Variants in TJP1 observed in about 807,000 individuals in gnomAD.
The protein encoded by TJP1 is tight junction protein ZO-1.
In TJP1, 43 loss-of-function variants were observed where a neutral mutation model predicts 194.2. The ratio of observed to expected loss-of-function variants is 0.22; its 90% CI spans 0.17 to 0.29. The LOEUF (loss-of-function observed/expected upper bound fraction) is 0.29, where lower values mean the gene tolerates loss of function less well. Ranked by LOEUF, TJP1 falls within the 10% of genes least tolerant of loss-of-function variation. The pLI, the probability that TJP1 is intolerant of heterozygous loss-of-function variation, is 1.00. For missense variants in TJP1, 1,971 were observed against 2,185.7 expected, an observed-to-expected ratio of 0.90 and a Z score of 1.96; for synonymous variants, 801 against 779.0, an observed-to-expected ratio of 1.03 and a Z score of -0.47.
chr15:29,918,931 T>C (rs746709306), intron 2 of TJP1, among the ~76,000 whole-genome samples: 3 of 152,092 alleles, frequency 2.0e-5, no homozygotes, highest in African/African-American at 7.2e-5. Flanking sequence ...CTACGGGAGA[T>C]ATTTCCTCCC....
intron 2 of TJP1, among the ~76,000 whole-genome samples, chr15:29,844,688 T>G (rs2051345634): frequency 6.6e-6 from 1 of 152,190 alleles, no homozygotes; most frequent in Non-Finnish European, 1.5e-5. Context: ...TGGAGGCTGA[T>G]GTCAGGAGCA....
chr15:29,719,017 T>C lies in TJP1; in HGVS notation c.3125A>G (p.Gln1042Arg). The change falls in exon 21 of 28, where the codon CAA becomes CGA. Residue 1042 changes from glutamine (Q) to arginine (R), a missense_variant. Gln to Arg is a conservative substitution (Grantham distance 43). This residue lies in a region of TJP1 where 1,108 missense variants were observed against 1,128.5 expected (regional missense o/e 0.98). Coordinates refer to ENST00000614355, the MANE Select transcript of TJP1 (RefSeq NM_001330239.4). ...DKEPNLTYEPQLPYVEKQASR... is the reference protein window; with the variant it reads ...DKEPNLTYEPRLPYVEKQASR... ...GGCTTGTTTCTCTACGTATGGGAGT[T>C]GGGGTTCATAGGTCAGATTAGGCTC... The C allele has an allele frequency of 1.2e-6, 2 of 1,614,142 alleles. No homozygotes were observed. The highest frequency in any genetic ancestry group is 3.3e-5 in the Admixed American group (2 of 60,014).
Position 29,710,851 on chromosome 15 carries a change from G to T in TJP1, c.4352C>A (p.Ser1451Tyr). The T allele has an allele frequency of 6.2e-7, 1 of 1,614,042 alleles. No individual in the cohort carries two copies. The highest frequency in any genetic ancestry group is 8.5e-7 in the Non-Finnish European group (1 of 1,180,034). ...PVTSASLHIH[S>Y]KGAHGEGNSV... ...CCTACCTTCACCATGTGCTCCCTTA[G>T]AATGTATGTGGAGAGACGCGCTGGT... Residue 1451 changes from serine to tyrosine, a missense_variant, in exon 24 of 28, where the codon TCT (serine) becomes TAT (tyrosine). Physicochemically the swap from Ser to Tyr is moderately radical, Grantham distance 144. Around this residue, in one of 5 missense-constraint regions of TJP1, gnomAD observed 1,108 missense variants for 1,128.5 expected, o/e 0.98. Coordinates refer to ENST00000614355, the MANE Select transcript of TJP1 (RefSeq NM_001330239.4).
At chr15:29,866,457 C>A (rs1389712589) in intron 2 of TJP1, among the ~76,000 whole-genome samples, 2 of 152,138 alleles carry the variant, frequency 1.3e-5, no homozygotes, top group East Asian at 3.9e-4. Context: ...TTGAACATGG[C>A]TTTGGCAGAT....
rs577782902 is a variant in TJP1, at chr15:29,912,932, T to C, written c.306+43300A>G. Among the ~76,000 whole-genome samples the C allele has an allele frequency of 3.3e-4, 51 of 152,246 alleles. 5 individuals carry two copies. The highest frequency in any genetic ancestry group is 1.2e-3 in the African/African-American group (49 of 41,540). The stretch of plus-strand genomic sequence containing the variant: ...GGTTTAACTTAGTAGATGCGCCAGC[T>C]CAGGCAGACAGTTCTGCAGGATTGC... On this transcript the variant is annotated intron_variant, in intron 2 of 28. Coordinates refer to the TJP1 transcript ENST00000356107.
chr15:29,844,751 T>C (rs1272223429), intron 2 of TJP1, among the ~76,000 whole-genome samples: 1 of 152,138 alleles, frequency 6.6e-6, no homozygotes, highest in Non-Finnish European at 1.5e-5. Flanking sequence ...CCTAGAAATG[T>C]TGAGTAGGCA....
chr15:29,702,293 C>G (rs1257859833), intron 27 of TJP1, among the ~76,000 whole-genome samples: 3 of 152,186 alleles, frequency 2.0e-5, no homozygotes, highest in African/African-American at 7.2e-5. Flanking sequence ...CTGCTCAGCT[C>G]TGATTCCAGC....
intron 2 of TJP1, among the ~76,000 whole-genome samples, chr15:29,842,907 T>C (rs1276324326): frequency 6.6e-6 from 1 of 152,208 alleles, no homozygotes; most frequent in African/African-American, 2.4e-5. Flanking sequence ...GTCTTGGCTT[T>C]GCCAGCTACA....
At chr15:29,920,521 T>A (rs536512061) in intron 2 of TJP1, among the ~76,000 whole-genome samples, 114 of 152,314 alleles carry the variant, frequency 7.5e-4, no homozygotes, top group Non-Finnish European at 1.4e-3. Flanking sequence ...ATAACTAGCA[T>A]TATGACTAGT....
intron 23 of TJP1, among the ~76,000 whole-genome samples, chr15:29,714,075 C>A (rs1033689091): frequency 6.6e-6 from 1 of 152,166 alleles, no homozygotes; most frequent in African/African-American, 2.4e-5. Context: ...TTCATTCACT[C>A]AACAATTACT....
At chr15:29,816,518 C>T (rs2049935796) in intron 1 of TJP1, among the ~76,000 whole-genome samples, 1 of 152,140 alleles carries the variant, frequency 6.6e-6, no homozygotes, top group Non-Finnish European at 1.5e-5. Flanking sequence ...GCCAAACACA[C>T]ACAAAAATTA....
At chr15:29,907,172 G>A (rs2053842225) in intron 2 of TJP1, among the ~76,000 whole-genome samples, 1 of 152,062 alleles carries the variant, frequency 6.6e-6, no homozygotes, top group Non-Finnish European at 1.5e-5. Context: ...CACTTTGGGA[G>A]GTCGGGGCAG....
intron 2 of TJP1, among the ~76,000 whole-genome samples, chr15:29,833,881 A>ATATATATATTTTT (rs1555434000): frequency 7.9e-5 from 1 of 12,610 alleles, no homozygotes; most frequent in African/African-American, 3.0e-4. Flanking sequence ...ATATATATAT[A>ATATATATATTTTT]TTTTTTTTTT....
chr15:29,964,415 A>AC, intron 1 of TJP1, among the ~76,000 whole-genome samples: 1 of 151,810 alleles, frequency 6.6e-6, no homozygotes, highest in Middle Eastern at 3.4e-3. Context: ...AGTCTTTTAA[A>AC]AAAAGAGAGA....
intron 2 of TJP1, among the ~76,000 whole-genome samples, chr15:29,840,295 T>C (rs2051176883): frequency 6.6e-6 from 1 of 152,202 alleles, no homozygotes; most frequent in Admixed American, 6.5e-5. Context: ...TGGCATCAAG[T>C]CTAACAGGTC....
intron 5 of TJP1, 83 bp downstream of exon 5, chr15:29,766,183 T>C: frequency 9.9e-6 from 15 of 1,513,326 alleles, no homozygotes; most frequent in Admixed American, 2.1e-5. Context: ...AGCAAAGACA[T>C]GAAGAGACAG....
intron 2 of TJP1, among the ~76,000 whole-genome samples, chr15:29,904,270 C>A (rs1179372393): frequency 6.6e-6 from 1 of 152,056 alleles, no homozygotes; most frequent in Non-Finnish European, 1.5e-5. Context: ...GGAGATGAGA[C>A]CAGGTGGATA....
chr15:29,831,811 G>A lies in TJP1; in HGVS notation c.307-31109C>T, dbSNP rs527282591. On this transcript the variant is annotated intron_variant, in intron 2 of 28. Transcript: ENST00000356107. ...AGTTGAAATGACATGTTTGGGATTT[G>A]CTTTTAAATACTTCAGCAAAGAGAA... Among the ~76,000 whole-genome samples, 134 of 152,254 alleles carry A rather than the reference G, an allele frequency of 8.8e-4. 1 individual carries two copies. The highest frequency in any genetic ancestry group is 1.4e-3 in the Non-Finnish European group (98 of 68,010).
At chr15:29,792,236 C>T (rs895565864) in intron 2 of TJP1, among the ~76,000 whole-genome samples, 2 of 152,164 alleles carry the variant, frequency 1.3e-5, no homozygotes, top group Non-Finnish European at 2.9e-5. Context: ...TTCTAGTAGT[C>T]TCATAACTTC....
Sources: allele counts gnomAD v4.1 joint callset (sites outside exome capture counted in the v4.1 genomes callset), GRCh38; gene constraint gnomAD v4.1.1; regional missense constraint gnomAD v4.1.1; transcripts MANE v1.5; gene names NCBI Gene and HGNC (gene_info 2026-07-23, HGNC 2026-07-21).